Variants in EPO observed in about 807,000 individuals in gnomAD.
The protein encoded by EPO is erythropoietin, also known as epoetin.
Under a neutral mutation model 24.4 loss-of-function variants are expected in EPO, and 12 were observed. The ratio of observed to expected loss-of-function variants is 0.49; its 90% CI spans 0.32 to 0.80. The LOEUF (loss-of-function observed/expected upper bound fraction) is 0.80. Among genes scored for constraint, EPO ranks in the 30% least tolerant of loss-of-function variants. EPO has a pLI of 0.04. For missense variants in EPO, 210 were observed against 238.0 expected (o/e 0.88, Z 0.77); for synonymous variants, 107 against 104.0 (o/e 1.03, Z -0.18).
Position 100,721,833 on chromosome 7 carries a change from G to C in EPO, c.160-129G>C. On this transcript the variant is annotated intron_variant, in intron 2 of 4. Coordinates refer to ENST00000252723, the MANE Select transcript of EPO (RefSeq NM_000799.4). The surrounding 1 kb of genome is among the most constrained non-coding windows in gnomAD (Gnocchi z 4.0). ...AGCTAGACACTGCCCCCCTACATAA[G>C]AATAAGTCTGGTGGCCCCAAACCAT... is the stretch of plus-strand genomic sequence containing the variant. 1.3e-6 allele frequency: 2 copies of C among 1,503,270 alleles called. No homozygotes were observed. The highest frequency in any genetic ancestry group is 1.8e-6 in the Non-Finnish European group (2 of 1,119,188). 93.1% of individuals were successfully genotyped at this position (1,503,270 alleles called of 1,614,324 possible).
At position 100,722,706 on chromosome 7, in the gene EPO, C is replaced by G; in HGVS notation, c.289C>G (p.Leu97Val). The G allele has an allele frequency of 6.2e-7, 1 of 1,611,008 alleles. No homozygotes were observed. Among genetic ancestry groups the G allele is most frequent in the Non-Finnish European group, 8.5e-7 (1 of 1,179,486 alleles). ...AVEVWQGLAL[L>V]SEAVLRGQAL... ...AGAAGTCTGGCAGGGCCTGGCCCTGCTGTCGGAAGCTGTCCTGCGGGGCCA... is the reference window on the plus strand; with the variant it reads ...AGAAGTCTGGCAGGGCCTGGCCCTGGTGTCGGAAGCTGTCCTGCGGGGCCA... The change falls in exon 4 of 5, where the codon CTG (leucine) becomes GTG (valine). Residue 97 changes from leucine to valine, a missense_variant. Physicochemically the swap from Leu to Val is conservative, Grantham distance 32. Coordinates refer to ENST00000252723, the MANE Select transcript of EPO (RefSeq NM_000799.4).
In EPO at chr7:100,721,039, T is replaced by C; in HGVS notation, c.13+46T>C. The C allele has an allele frequency of 6.6e-7, 1 of 1,525,562 alleles. No individual in the cohort carries two copies. The highest frequency in any genetic ancestry group is 8.8e-7 in the Non-Finnish European group (1 of 1,136,512). 94.5% of individuals were successfully genotyped at this position (1,525,562 alleles called of 1,614,324 possible). On this transcript the variant is annotated intron_variant, in intron 1 of 4. Coordinates refer to ENST00000252723, the MANE Select transcript of EPO (RefSeq NM_000799.4). The surrounding 1 kb of genome is among the most constrained non-coding windows in gnomAD (Gnocchi z 4.0). Reference sequence around the variant, plus strand: ...CGCTCCCGCCCGCCCGGGTCCCTGTTTGAGCGGGGATTTAGCGCCCCGGCT... The same window carrying C: ...CGCTCCCGCCCGCCCGGGTCCCTGTCTGAGCGGGGATTTAGCGCCCCGGCT...
In EPO at chr7:100,723,225, G is replaced by C; in HGVS notation, c.*92G>C. The C allele has an allele frequency of 1.3e-6, 2 of 1,482,362 alleles. No individual in the cohort carries two copies. Among genetic ancestry groups the C allele is most frequent in the Non-Finnish European group, 1.8e-6 (2 of 1,087,204 alleles). 91.8% of individuals were successfully genotyped at this position (1,482,362 alleles called of 1,614,324 possible). A position where few individuals can be genotyped will look rare whatever the true frequency, so the allele number is the denominator to read the frequency against. ...CCGCCACTCCTGAACCCCGTCGAGG[G>C]GCTCTCAGCTCAGCGCCAGCCTGTC... On this transcript the variant is annotated 3_prime_UTR_variant, in exon 5 of 5. Transcript: ENST00000252723.
At position 100,723,283 on chromosome 7, in the gene EPO, C is replaced by T. The variant is rs1806781562; in HGVS notation, c.*150C>T. The T allele has an allele frequency of 8.8e-6, 8 of 910,008 alleles. No homozygotes were observed. Among genetic ancestry groups the T allele is most frequent in the Non-Finnish European group, 1.3e-5 (8 of 610,782 alleles). 56.4% of individuals were successfully genotyped at this position (910,008 alleles called of 1,614,324 possible). ...CACTCCAGTGCCAGCAATGACATCT[C>T]AGGGGCCAGAGGAACTGTCCAGAGA... On this transcript the variant is annotated 3_prime_UTR_variant, in exon 5 of 5. Coordinates refer to ENST00000252723, the MANE Select transcript of EPO (RefSeq NM_000799.4).
At chr7:100,722,524 CTCACTCATTCAT>C (rs1806759397) in intron 3 of EPO, 128 bp from the exon 4 acceptor site, 1 of 577,262 alleles carries the variant, frequency 1.7e-6, no homozygotes, top group Non-Finnish European at 3.1e-6. Flanking sequence ...CACTCACTCA[CTCACTCATTCAT>C]TCATTCATTC....
chr7:100,720,901 C>G lies in EPO; in HGVS notation c.-80C>G, dbSNP rs1806729102. The G allele has an allele frequency of 1.3e-6, 2 of 1,487,254 alleles. No homozygotes were observed. The highest frequency in any genetic ancestry group is 2.2e-5 in the Admixed American group (1 of 44,854). 92.1% of individuals were successfully genotyped at this position (1,487,254 alleles called of 1,614,324 possible). ...GCCCGTGGGGCTGGCCCTGCACCGC[C>G]GAGCTTCCCGGGATGAGGGCCCCCG... is the stretch of plus-strand genomic sequence containing the variant. On this transcript the variant is annotated 5_prime_UTR_variant, in exon 1 of 5. Coordinates refer to ENST00000252723, the MANE Select transcript of EPO (RefSeq NM_000799.4).
In EPO at chr7:100,721,019, C is replaced by A; in HGVS notation, c.13+26C>A. ...GTGAGTACTCGCGGGCTGGGCGCTC[C>A]CGCCCGCCCGGGTCCCTGTTTGAGC... On this transcript the variant is annotated intron_variant, in intron 1 of 4. Transcript: ENST00000252723. The surrounding 1 kb of genome is among the most constrained non-coding windows in gnomAD (Gnocchi z 4.0). 1 of 1,566,296 alleles carries A rather than the reference C, an allele frequency of 6.4e-7. No homozygotes were observed. Among genetic ancestry groups the A allele is most frequent in the Non-Finnish European group, 8.6e-7 (1 of 1,157,742 alleles).
rs367727871 is a variant in EPO at position 100,721,526 on chromosome 7, C to A, written c.14-32C>A. On this transcript the variant is annotated intron_variant, in intron 1 of 4. Transcript: ENST00000252723. This position sits in a 1 kb window ranked among gnomAD's most constrained non-coding sequence, Gnocchi z 4.0. ...TTCCACAGCCACCCTTCTCCCTCCC[C>A]GCCTGACTCTCAGCCTGGCTATCTG... The A allele has an allele frequency of 3.7e-6, 6 of 1,607,000 alleles. No homozygotes were observed. Among genetic ancestry groups the A allele is most frequent in the East Asian group, 2.2e-5 (1 of 44,758 alleles).
intron 3 of EPO, 21 bp from the exon 4 acceptor site, chr7:100,722,643 C>T: frequency 6.4e-7 from 1 of 1,566,166 alleles, no homozygotes; most frequent in Non-Finnish European, 8.6e-7. Context: ...TCAGCTGACT[C>T]CCAGAGTCCA....
rs2131442427 is a variant in EPO, at chr7:100,723,567, C to T, written c.*434C>T. On this transcript the variant is annotated 3_prime_UTR_variant, in exon 5 of 5. Coordinates refer to ENST00000252723, the MANE Select transcript of EPO (RefSeq NM_000799.4). ...CCAGGTCTCACGGGCATGGGCACTC[C>T]CTTGGTGGCAAGAGCCCCCTTGACA... The T allele has an allele frequency of 6.4e-6, 1 of 157,108 alleles. No individual in the cohort carries two copies. The highest frequency in any genetic ancestry group is 1.4e-5 in the Non-Finnish European group (1 of 71,438). 9.7% of individuals were successfully genotyped at this position (157,108 alleles called of 1,614,324 possible). A position where few individuals can be genotyped will look rare whatever the true frequency, so the allele number is the denominator to read the frequency against.
Position 100,722,582 on chromosome 7 carries a change from C to T in EPO, c.247-82C>T, listed in dbSNP as rs1318714709. 5.7e-6 allele frequency: 7 copies of T among 1,217,598 alleles called. No homozygotes were observed. In the African/African-American group the frequency reaches 7.6e-5, roughly 13 times the overall value. The allele number at this position is 1,217,598 out of a possible 1,614,324, so 75.4% of individuals were successfully genotyped here. A position where few individuals can be genotyped will look rare whatever the true frequency, so the allele number is the denominator to read the frequency against. On this transcript the variant is annotated intron_variant, in intron 3 of 4. Transcript: ENST00000252723. ...TCTTATTGCATACCTTCTGTTTGCT[C>T]AGCTTGGTGCTTGGGGCTGCTGAGG...
rs1806736921 is a variant in EPO at position 100,721,383 on chromosome 7, G to A, written c.14-175G>A. On this transcript the variant is annotated intron_variant, in intron 1 of 4. Coordinates refer to ENST00000252723, the MANE Select transcript of EPO (RefSeq NM_000799.4). This position sits in a 1 kb window ranked among gnomAD's most constrained non-coding sequence, Gnocchi z 4.0. ...AGTGGATGCTGGTAGCTGGGGGTGG[G>A]GTGTGCACACGGCAGCAGGATTGAA... Among the ~76,000 whole-genome samples, 1 of 152,126 alleles carries A rather than the reference G, an allele frequency of 6.6e-6. No individual in the cohort carries two copies. The highest frequency in any genetic ancestry group is 1.5e-5 in the Non-Finnish European group (1 of 68,018).
Position 100,722,709 on chromosome 7 carries a change from T to G in EPO, c.292T>G (p.Ser98Ala). The change falls in exon 4 of 5, where the codon TCG becomes GCG. Residue 98 changes from serine to alanine, a missense_variant. By Grantham distance (99) the Ser-to-Ala change is moderately conservative (BLOSUM62 1). Coordinates refer to ENST00000252723, the MANE Select transcript of EPO (RefSeq NM_000799.4). Reference protein sequence around the residue: ...VEVWQGLALLSEAVLRGQALL... With the variant: ...VEVWQGLALLAEAVLRGQALL... ...AGTCTGGCAGGGCCTGGCCCTGCTG[T>G]CGGAAGCTGTCCTGCGGGGCCAGGC... 6.2e-7 allele frequency: 1 copy of G among 1,612,506 alleles called. No individual in the cohort carries two copies. Among genetic ancestry groups the G allele is most frequent in the African/African-American group, 1.3e-5 (1 of 74,950 alleles).
rs976000999 is a variant in EPO at position 100,721,462 on chromosome 7, C to T, written c.14-96C>T. 1.4e-5 allele frequency: 21 copies of T among 1,499,316 alleles called. No homozygotes were observed. Among genetic ancestry groups the T allele is most frequent in the Middle Eastern group, 2.0e-4 (1 of 5,092 alleles). The allele number at this position is 1,499,316 out of a possible 1,614,324, so 92.9% of individuals were successfully genotyped here. A position where few individuals can be genotyped will look rare whatever the true frequency, so the allele number is the denominator to read the frequency against. On this transcript the variant is annotated intron_variant, in intron 1 of 4. Transcript: ENST00000252723. The surrounding 1 kb of genome is among the most constrained non-coding windows in gnomAD (Gnocchi z 4.0). Reference sequence around the variant, plus strand: ...CTTGCATGGTTGGGGACAGGAAGGACGAGCTGGGGCAGAGACGTGGGGATG... The same window carrying T: ...CTTGCATGGTTGGGGACAGGAAGGATGAGCTGGGGCAGAGACGTGGGGATG...
rs1289815379 is a variant in EPO at position 100,722,697 on chromosome 7, C to T, written c.280C>T (p.Leu94=). The part of the protein sequence containing the change: ...GQQAVEVWQG[L]ALLSEAVLRG... ...GCAGGCCGTAGAAGTCTGGCAGGGC[C>T]TGGCCCTGCTGTCGGAAGCTGTCCT... Residue 94 remains leucine, a synonymous_variant, in exon 4 of 5, where the codon CTG becomes TTG. Transcript: ENST00000252723. 1.9e-6 allele frequency: 3 copies of T among 1,608,358 alleles called. No individual in the cohort carries two copies. The highest frequency in any genetic ancestry group is 4.5e-5 in the East Asian group (2 of 44,814).
In EPO at chr7:100,723,081, G is replaced by T; in HGVS notation, c.530G>T (p.Arg177Leu). Residue 177 changes from arginine (R) to leucine (L), a missense_variant, in exon 5 of 5, where the codon CGG becomes CTG. Transcript: ENST00000252723. ...KLFRVYSNFL[R>L]GKLKLYTGEA... ...TTCCGAGTCTACTCCAATTTCCTCCGGGGAAAGCTGAAGCTGTACACAGGG... is the reference window on the plus strand; with the variant it reads ...TTCCGAGTCTACTCCAATTTCCTCCTGGGAAAGCTGAAGCTGTACACAGGG... The T allele has an allele frequency of 6.2e-7, 1 of 1,614,038 alleles. No homozygotes were observed. The highest frequency in any genetic ancestry group is 2.2e-5 in the East Asian group (1 of 44,860).
Position 100,721,539 on chromosome 7 carries a change from G to T in EPO, c.14-19G>T. ...CTTCTCCCTCCCCGCCTGACTCTCA[G>T]CCTGGCTATCTGTTCTAGAATGTCC... On this transcript the variant is annotated intron_variant, in intron 1 of 4. Coordinates refer to ENST00000252723, the MANE Select transcript of EPO (RefSeq NM_000799.4). The surrounding 1 kb of genome is among the most constrained non-coding windows in gnomAD (Gnocchi z 4.0). 6.2e-7 allele frequency: 1 copy of T among 1,611,180 alleles called. No individual in the cohort carries two copies. Among genetic ancestry groups the T allele is most frequent in the Non-Finnish European group, 8.5e-7 (1 of 1,178,424 alleles).
chr7:100,722,272 T>A (rs1806753514), intron 3 of EPO, among the ~76,000 whole-genome samples: 1 of 151,626 alleles, frequency 6.6e-6, no homozygotes, highest in Non-Finnish European at 1.5e-5. Context: ...CATAGTGAGA[T>A]CCCCCATCTC....
Position 100,720,809 on chromosome 7 carries a change from G to C in EPO, c.-172G>C, listed in dbSNP as rs376713532. 3 of 718,622 alleles carry C rather than the reference G, an allele frequency of 4.2e-6. No individual in the cohort carries two copies. The allele number at this position is 718,622 out of a possible 1,614,324, so 44.5% of individuals were successfully genotyped here. Reference sequence around the variant, plus strand: ...CGCACCGCGCTGTCCTCCCGGAGCCGGACCGGGGCCACCGCGCCCGCTCTG... The same window carrying C: ...CGCACCGCGCTGTCCTCCCGGAGCCCGACCGGGGCCACCGCGCCCGCTCTG... On this transcript the variant is annotated 5_prime_UTR_variant, in exon 1 of 5. Transcript: ENST00000252723.
Sources: allele counts gnomAD v4.1 joint callset (sites outside exome capture counted in the v4.1 genomes callset), GRCh38; gene constraint gnomAD v4.1.1; non-coding constraint Gnocchi (gnomAD v3.1); transcripts MANE v1.5; gene names NCBI Gene and HGNC (gene_info 2026-07-23, HGNC 2026-07-21).